Variants in EVA1A observed in about 807,000 individuals in gnomAD.
The protein encoded by EVA1A is eva-1 homolog A, regulator of programmed cell death, also known as protein eva-1 homolog A.
Under a neutral mutation model 9.8 loss-of-function variants are expected in EVA1A, and 7 were observed. The ratio of observed to expected loss-of-function variants is 0.71; its 90% CI spans 0.41 to 1.34. The LOEUF (loss-of-function observed/expected upper bound fraction) is 1.34. EVA1A is among the 40% of genes most tolerant of loss of function. The pLI, the probability that EVA1A is intolerant of heterozygous loss-of-function variation, is 0.01. For missense variants in EVA1A, 206 were observed against 205.9 expected (o/e 1.00, Z 0.00); for synonymous variants, 90 against 85.6 (o/e 1.05, Z -0.28).
intron 1 of EVA1A, among the ~76,000 whole-genome samples, chr2:75,545,068 C>A (rs999113445): frequency 6.6e-6 from 1 of 152,118 alleles, no homozygotes; most frequent in African/African-American, 2.4e-5. Context: ...ATATATATAA[C>A]AAAATGTTGG....
intron 1 of EVA1A, among the ~76,000 whole-genome samples, chr2:75,531,513 G>A (rs1675646459): frequency 1.3e-5 from 2 of 148,828 alleles, no homozygotes; most frequent in African/African-American, 5.1e-5. Flanking sequence ...GCCCATCAAT[G>A]AGTGGATAAA....
At chr2:75,520,698 A>T (rs921400910) in intron 2 of EVA1A, among the ~76,000 whole-genome samples, 1 of 152,196 alleles carries the variant, frequency 6.6e-6, no homozygotes, top group African/African-American at 2.4e-5. Flanking sequence ...ATTAACTCAA[A>T]ATGTGTCAAA....
intron 1 of EVA1A, among the ~76,000 whole-genome samples, chr2:75,523,722 G>A (rs1415855758): frequency 6.6e-6 from 1 of 152,134 alleles, no homozygotes; most frequent in African/African-American, 2.4e-5. Flanking sequence ...ACTCCGTAAG[G>A]GCAGGGACCA....
chr2:75,503,438 T>C (rs984834176), intron 3 of EVA1A, among the ~76,000 whole-genome samples: 1 of 152,134 alleles, frequency 6.6e-6, no homozygotes, highest in Admixed American at 6.5e-5. Context: ...AGGGTCATTG[T>C]TTTCACGGGC....
intron 1 of EVA1A, among the ~76,000 whole-genome samples, chr2:75,530,799 C>T (rs890108603): frequency 6.6e-6 from 1 of 152,124 alleles, no homozygotes; most frequent in Non-Finnish European, 1.5e-5. Context: ...CAACATTATA[C>T]TGAATGTGGA....
intron 3 of EVA1A, among the ~76,000 whole-genome samples, chr2:75,507,492 T>C (rs914013609): frequency 6.6e-6 from 1 of 152,128 alleles, no homozygotes; most frequent in Admixed American, 6.6e-5. Context: ...GTGCCCATCT[T>C]CCAGAGATAA....
Position 75,517,784 on chromosome 2 carries a change from A to G in EVA1A, c.85+272T>C, listed in dbSNP as rs978943594. 5 of 718,332 alleles carry G rather than the reference A, an allele frequency of 7.0e-6. No individual in the cohort carries two copies. In the African/African-American group the frequency reaches 7.0e-5, roughly 10 times the overall value. The allele number at this position is 718,332 out of a possible 1,614,324, so 44.5% of individuals were successfully genotyped here. A position where few individuals can be genotyped will look rare whatever the true frequency, so the allele number is the denominator to read the frequency against. On this transcript the variant is annotated intron_variant, in intron 3 of 3. Coordinates refer to ENST00000393913, the MANE Select transcript of EVA1A (RefSeq NM_001135032.2). ...TTAATGCATAGTGACAGAAGCCAAC[A>G]GTAGCCCTGGGCCACTTCAATCACT...
intron 2 of EVA1A, among the ~76,000 whole-genome samples, chr2:75,521,602 A>G (rs915423584): frequency 6.6e-6 from 1 of 152,226 alleles, no homozygotes; most frequent in Admixed American, 6.5e-5. Flanking sequence ...TTCCACATGT[A>G]TGAAGCACCA....
intron 2 of EVA1A, among the ~76,000 whole-genome samples, chr2:75,521,815 A>G (rs1675239723): frequency 6.6e-6 from 1 of 152,230 alleles, no homozygotes; most frequent in Non-Finnish European, 1.5e-5. Context: ...GTAATTTAAG[A>G]TGACGAATTT....
At chr2:75,552,234 G>A (rs1024170531) in intron 1 of EVA1A, among the ~76,000 whole-genome samples, 6 of 151,378 alleles carry the variant, frequency 4.0e-5, no homozygotes, top group South Asian at 4.2e-4. Context: ...GACTTTTCTC[G>A]GGAATGTCAA....
intron 3 of EVA1A, among the ~76,000 whole-genome samples, chr2:75,514,491 A>G (rs1322050940): frequency 1.3e-5 from 2 of 152,202 alleles, no homozygotes; most frequent in African/African-American, 2.4e-5. Context: ...AAAATATAAT[A>G]TTTTAATAAA....
intron 1 of EVA1A, among the ~76,000 whole-genome samples, chr2:75,548,851 G>A (rs11894374): frequency 0.21 from 32,286 of 151,582 alleles, 4,364 homozygotes; most frequent in African/African-American, 0.38. Context: ...TGCCCATCCC[G>A]TAATAACTGT....
At chr2:75,504,522 G>T (rs1674542369) in intron 3 of EVA1A, among the ~76,000 whole-genome samples, 1 of 152,222 alleles carries the variant, frequency 6.6e-6, no homozygotes, top group Non-Finnish European at 1.5e-5. Context: ...GCTGGAGGAA[G>T]CTTCCTTCCT....
intron 1 of EVA1A, among the ~76,000 whole-genome samples, chr2:75,537,922 A>G (rs1474596426): frequency 2.0e-5 from 3 of 152,218 alleles, no homozygotes; most frequent in Non-Finnish European, 4.4e-5. Context: ...ATGATGAGCC[A>G]AATAAACATC....
intron 3 of EVA1A, among the ~76,000 whole-genome samples, chr2:75,509,788 T>C (rs2103817613): frequency 6.6e-6 from 1 of 152,254 alleles, no homozygotes; most frequent in East Asian, 1.9e-4. Flanking sequence ...TGCATATTAA[T>C]GATTGTTAAG....
chr2:75,530,572 T>C (rs150145003), intron 1 of EVA1A, among the ~76,000 whole-genome samples: 1 of 152,202 alleles, frequency 6.6e-6, no homozygotes, highest in Non-Finnish European at 1.5e-5. Context: ...GTGGGTTTTA[T>C]GCCAGGGATA....
At chr2:75,498,689 T>C (rs560354597) in intron 3 of EVA1A, among the ~76,000 whole-genome samples, 3 of 152,202 alleles carry the variant, frequency 2.0e-5, no homozygotes, top group South Asian at 2.1e-4. Flanking sequence ...CACCATTAGA[T>C]TGAGATGCTG....
chr2:75,511,556 G>A (rs1674811809), intron 3 of EVA1A, among the ~76,000 whole-genome samples: 1 of 152,162 alleles, frequency 6.6e-6, no homozygotes, highest in African/African-American at 2.4e-5. Context: ...TGCTACCTGT[G>A]CATGAAATGG....
intron 1 of EVA1A, among the ~76,000 whole-genome samples, chr2:75,549,230 A>T (rs1676445812): frequency 6.6e-6 from 1 of 152,048 alleles, no homozygotes; most frequent in Admixed American, 6.6e-5. Context: ...AGTGTGGAAC[A>T]TGTACATAGG....
Sources: gnomAD v4.1 joint callset for allele counts (sites outside exome capture counted in the v4.1 genomes callset) on GRCh38, gnomAD v4.1.1 for gene constraint, MANE v1.5 for transcripts, NCBI Gene and HGNC (gene_info 2026-07-23, HGNC 2026-07-21) for gene names.